The following PTP4A1 variants were observed in gnomAD, a reference collection of about 807,000 sequenced individuals.
PTP4A1 encodes the protein protein tyrosine phosphatase type IVA 1.
Under a neutral mutation model 20.5 loss-of-function variants are expected in PTP4A1, and 9 were observed. That is an observed-to-expected ratio of 0.44 (90% confidence interval 0.26 to 0.77). The LOEUF (loss-of-function observed/expected upper bound fraction) is 0.77, where lower values mean the gene tolerates loss of function less well. Among genes scored for constraint, PTP4A1 ranks in the 30% least tolerant of loss-of-function variants. The pLI, the probability that PTP4A1 is intolerant of heterozygous loss-of-function variation, is 0.19. For synonymous variants in PTP4A1, 78 were observed against 67.4 expected (o/e 1.16, Z -0.77); for missense variants, 137 against 218.8 (o/e 0.63, Z 2.36).
intron 1 of PTP4A1, among the ~76,000 whole-genome samples, chr6:63,527,561 C>T (rs926625559): frequency 2.0e-5 from 3 of 152,128 alleles, no homozygotes; most frequent in South Asian, 2.1e-4. Flanking sequence ...AATATTTTCA[C>T]TTTTCTAGAT....
chr6:63,550,705 G>A (rs1260674479), intron 3 of PTP4A1, among the ~76,000 whole-genome samples: 1 of 149,926 alleles, frequency 6.7e-6, no homozygotes, highest in Non-Finnish European at 1.5e-5. Context: ...GCTCACTGCA[G>A]GCTTCACCTC....
intron 2 of PTP4A1, among the ~76,000 whole-genome samples, chr6:63,533,388 GA>G (rs1356599887): frequency 6.6e-6 from 1 of 151,848 alleles, no homozygotes; most frequent in Non-Finnish European, 1.5e-5. Context: ...TCTCAAAAAA[GA>G]AAACAATAAG....
chr6:63,547,812 AG>A (rs989766631), intron 2 of PTP4A1, among the ~76,000 whole-genome samples: 3 of 151,908 alleles, frequency 2.0e-5, no homozygotes, highest in Non-Finnish European at 2.9e-5. Context: ...CGCCCGGCCC[AG>A]GGGGGGATTT....
At chr6:63,563,779 G>T (rs187037716) in intron 3 of PTP4A1, among the ~76,000 whole-genome samples, 1 of 152,140 alleles carries the variant, frequency 6.6e-6, no homozygotes, top group Non-Finnish European at 1.5e-5. Flanking sequence ...AGTGAGTCCA[G>T]GAGGCCCTAG....
chr6:63,537,441 A>C (rs1775774606), intron 2 of PTP4A1, among the ~76,000 whole-genome samples: 1 of 152,180 alleles, frequency 6.6e-6, no homozygotes, highest in Non-Finnish European at 1.5e-5. Flanking sequence ...GGCTCAGATC[A>C]ATTAAATCAG....
rs187443186 is a variant in PTP4A1, at chr6:63,530,596, T to G, written c.-640+2512T>G. Among the ~76,000 whole-genome samples the G allele has an allele frequency of 1.3e-3, 192 of 152,274 alleles. 1 individual carries two copies. The highest frequency in any genetic ancestry group is 3.8e-4 in the Non-Finnish European group (26 of 68,032). On this transcript the variant is annotated intron_variant, in intron 2 of 3. Transcript: ENST00000639568. The stretch of plus-strand genomic sequence containing the variant: ...GAATTTGTGAACATGGAGGCCCTTC[T>G]GTGCTAAATCACTAGGGTCATAGGG...
chr6:63,537,523 C>T (rs192556719), intron 2 of PTP4A1, among the ~76,000 whole-genome samples: 3 of 152,292 alleles, frequency 2.0e-5, no homozygotes, highest in Non-Finnish European at 4.4e-5. Context: ...TGCCTTAGAG[C>T]GTACCTTTTC....
At chr6:63,572,353 A>T (rs1039388469), upstream of PTP4A1, 4 of 281,512 alleles carry the variant, frequency 1.4e-5, no homozygotes, top group Non-Finnish European at 2.6e-5. Flanking sequence ...CCGCGGAGTG[A>T]CGTCCGGAGG....
intron 1 of PTP4A1, among the ~76,000 whole-genome samples, chr6:63,526,301 G>A (rs947303176): frequency 3.3e-5 from 5 of 151,374 alleles, no homozygotes; most frequent in Admixed American, 2.6e-4. Context: ...CTCCAGCCTG[G>A]GTAACAGAGC....
chr6:63,578,765 C>A, intron 3 of PTP4A1, 133 bp from the exon 4 acceptor site: 1 of 1,135,562 alleles, frequency 8.8e-7, no homozygotes, highest in Non-Finnish European at 1.2e-6. Context: ...TGGTAGACAA[C>A]AGGGTTTAAT....
At chr6:63,533,250 C>A (rs962383786) in intron 2 of PTP4A1, among the ~76,000 whole-genome samples, 2 of 152,008 alleles carry the variant, frequency 1.3e-5, no homozygotes. Flanking sequence ...GATGTGGTGG[C>A]GCACACCTGT....
chr6:63,572,740 C>T, intron 1 of PTP4A1, 21 bp downstream of exon 1: 1 of 398,388 alleles, frequency 2.5e-6, no homozygotes. Flanking sequence ...GTCGCATCGT[C>T]GCCTCTCGGG....
intron 1 of PTP4A1, chr6:63,573,503 G>C (rs1373753100): frequency 6.6e-6 from 1 of 152,254 alleles, no homozygotes; most frequent in East Asian, 1.9e-4. Context: ...GGCGCGGAGA[G>C]GGGGCGCAGC....
chr6:63,537,542 G>GA (rs1775778839), intron 2 of PTP4A1, among the ~76,000 whole-genome samples: 1 of 152,152 alleles, frequency 6.6e-6, no homozygotes, highest in Non-Finnish European at 1.5e-5. Context: ...TCACCCCAGA[G>GA]AAAAAAGCCA....
At chr6:63,565,177 T>A (rs1353778560) in intron 3 of PTP4A1, among the ~76,000 whole-genome samples, 1 of 151,932 alleles carries the variant, frequency 6.6e-6, no homozygotes, top group African/African-American at 2.4e-5. Flanking sequence ...CATGCCCAGA[T>A]AATTTTTTTT....
Position 63,576,556 on chromosome 6 carries a change from A to G in PTP4A1, c.-325A>G. On this transcript the variant is annotated 5_prime_UTR_variant, in exon 2 of 6. Coordinates refer to ENST00000626021, the MANE Select transcript of PTP4A1 (RefSeq NM_003463.5). ...AACTGTAGAAACTGATTACTGCTCC[A>G]CCAAGAAGCCCCCATAAGAGTGGTT... 2.2e-6 allele frequency: 1 copy of G among 447,242 alleles called. No individual in the cohort carries two copies. The highest frequency in any genetic ancestry group is 3.9e-6 in the Non-Finnish European group (1 of 254,890). The allele number at this position is 447,242 out of a possible 1,614,324, so 27.7% of individuals were successfully genotyped here.
chr6:63,560,525 C>T (rs1007437477), intron 3 of PTP4A1, among the ~76,000 whole-genome samples: 1 of 151,506 alleles, frequency 6.6e-6, no homozygotes, highest in African/African-American at 2.4e-5. Context: ...GCCTCAGCCA[C>T]CCTAGCTGGC....
chr6:63,557,958 C>T (rs188335914), intron 3 of PTP4A1, among the ~76,000 whole-genome samples: 29 of 151,590 alleles, frequency 1.9e-4, no homozygotes, highest in Admixed American at 7.9e-4. Context: ...GGTGCGATCT[C>T]GGCTCACTGC....
intron 2 of PTP4A1, 23 bp from the exon 3 acceptor site, chr6:63,578,414 T>C (rs764346154): frequency 6.3e-7 from 1 of 1,596,414 alleles, no homozygotes; most frequent in Admixed American, 1.9e-5. Context: ...CATTAAGATT[T>C]TTTTAATGTA....
Sources: allele counts gnomAD v4.1 joint callset (sites outside exome capture counted in the v4.1 genomes callset), GRCh38; gene constraint gnomAD v4.1.1; transcripts MANE v1.5; gene names NCBI Gene and HGNC (gene_info 2026-07-23, HGNC 2026-07-21).